TRIP12: variants seen among roughly 807,000 people sequenced by gnomAD.
The protein encoded by TRIP12 is E3 ubiquitin-protein ligase TRIP12.
Under a neutral mutation model 244.2 loss-of-function variants are expected in TRIP12, and 25 were observed. That is an observed-to-expected ratio of 0.10 (90% CI 0.07 to 0.14). The LOEUF (loss-of-function observed/expected upper bound fraction) is 0.14, where lower values mean the gene tolerates loss of function less well. TRIP12 is among the 10% of genes least tolerant of loss of function. The pLI, the probability that TRIP12 is intolerant of heterozygous loss-of-function variation, is 1.00. For missense variants in TRIP12, 1,677 were observed against 2,486.4 expected, an observed-to-expected ratio of 0.67 and a Z score of 6.92; for synonymous variants, 905 against 873.1, an observed-to-expected ratio of 1.04 and a Z score of -0.64.
At position 229,853,587 on chromosome 2, in the gene TRIP12, G is replaced by C. The variant is rs376947233; in HGVS notation, c.1027+5185C>G. ...CACGAGAATCACTTGAATCCAGGAG[G>C]GGGAGGATGCAGTGAGCAGAGATCA... On this transcript the variant is annotated intron_variant, in intron 4 of 41. Coordinates refer to ENST00000675903, the MANE Select transcript of TRIP12 (RefSeq NM_001348323.3). 2.0e-5 allele frequency among the ~76,000 whole-genome samples: 3 copies of C among 152,192 alleles called. No individual in the cohort carries two copies. The South Asian group carries it at 6.2e-4, about 32-fold the overall frequency.
chr2:229,922,728 G>A (rs2076781504), upstream of TRIP12: 3 of 1,000,098 alleles, frequency 3.0e-6, no homozygotes, highest in Admixed American at 2.8e-5. Flanking sequence ...GCCCAGTCCC[G>A]GCTCCGCGCC....
intron 1 of TRIP12, among the ~76,000 whole-genome samples, chr2:229,906,094 C>T (rs1156895138): frequency 6.6e-6 from 1 of 151,922 alleles, no homozygotes; most frequent in Non-Finnish European, 1.5e-5. Flanking sequence ...TACCTGAGGT[C>T]AGGAGTTTGA....
In TRIP12 at chr2:229,764,433, T is replaced by G. The variant is rs549661371; in HGVS notation, c.*3121A>C. ...AATGAAGGCTTGATCATTTTACTAG[T>G]AGAGAAATGAACAATAGCATCCAGA... is the stretch of plus-strand genomic sequence containing the variant. On this transcript the variant is annotated 3_prime_UTR_variant, in exon 42 of 42. Transcript: ENST00000675903. The G allele has an allele frequency of 6.6e-5, 10 of 152,290 alleles. No homozygotes were observed. In the South Asian group the frequency reaches 1.9e-3, roughly 28 times the overall value. The allele number at this position is 152,290 out of a possible 1,614,324, so 9.4% of individuals were successfully genotyped here. A position where few individuals can be genotyped will look rare whatever the true frequency, so the allele number is the denominator to read the frequency against.
intron 1 of TRIP12, among the ~76,000 whole-genome samples, chr2:229,888,554 G>A (rs755413000): frequency 1.3e-5 from 2 of 152,120 alleles, no homozygotes; most frequent in Non-Finnish European, 2.9e-5. Flanking sequence ...AAGACAGATA[G>A]GCAGAGTTCA....
intron 1 of TRIP12, among the ~76,000 whole-genome samples, chr2:229,896,837 C>G (rs181252528): frequency 1.3e-5 from 2 of 152,224 alleles, no homozygotes; most frequent in East Asian, 3.9e-4. Flanking sequence ...CAATAAGACT[C>G]TTGTTTTTAA....
At chr2:229,881,192 A>G (rs2064800466) in intron 1 of TRIP12, among the ~76,000 whole-genome samples, 1 of 152,228 alleles carries the variant, frequency 6.6e-6, no homozygotes, top group South Asian at 2.1e-4. Flanking sequence ...TTTAGCTCAA[A>G]TTTAGCTCAA....
chr2:229,917,655 G>A (rs1366039083), intron 1 of TRIP12, among the ~76,000 whole-genome samples: 1 of 152,068 alleles, frequency 6.6e-6, no homozygotes, highest in Admixed American at 6.6e-5. Flanking sequence ...AGTCAGGGGA[G>A]ATGTGAAGAG....
chr2:229,805,458 T>C (rs943041285), intron 18 of TRIP12, among the ~76,000 whole-genome samples: 17 of 152,162 alleles, frequency 1.1e-4, no homozygotes, highest in African/African-American at 3.4e-4. Context: ...AAAGGTATAA[T>C]AGTAATGACA....
chr2:229,883,738 T>G (rs559239373), intron 1 of TRIP12, among the ~76,000 whole-genome samples: 2 of 152,294 alleles, frequency 1.3e-5, no homozygotes, highest in African/African-American at 4.8e-5. Flanking sequence ...GAAAACAAAT[T>G]CACGACAATT....
chr2:229,897,606 C>G (rs1480061810), intron 1 of TRIP12, among the ~76,000 whole-genome samples: 9 of 152,230 alleles, frequency 5.9e-5, no homozygotes, highest in Non-Finnish European at 1.3e-4. Context: ...GAGATCGTGC[C>G]ACTGCACTCC....
Position 229,787,670 on chromosome 2 carries a change from A to G in TRIP12, c.4839-9T>C, listed in dbSNP as rs1559398855. The G allele has an allele frequency of 1.3e-6, 2 of 1,593,894 alleles. No individual in the cohort carries two copies. The highest frequency in any genetic ancestry group is 1.7e-6 in the Non-Finnish European group (2 of 1,170,534). On this transcript the variant is annotated splice_polypyrimidine_tract_variant and intron_variant, in intron 32 of 41. Coordinates refer to ENST00000675903, the MANE Select transcript of TRIP12 (RefSeq NM_001348323.3). Reference sequence around the variant, plus strand: ...AAGGAAAGAAAAATGGGCTGTAAAAAGATGCAATGTAAGTTTATTATCTGG... The same window carrying G: ...AAGGAAAGAAAAATGGGCTGTAAAAGGATGCAATGTAAGTTTATTATCTGG...
intron 30 of TRIP12, 127 bp from the exon 31 acceptor site, chr2:229,789,889 T>A (rs2041001861): frequency 5.0e-6 from 5 of 995,838 alleles, no homozygotes; most frequent in Non-Finnish European, 4.4e-6. Context: ...ATCTTATTAG[T>A]AGGGTATTGA....
In TRIP12 at chr2:229,792,960, A is replaced by G. The variant is rs752451837; in HGVS notation, c.4141+13T>C. ...TACATATATAACACACGAAACAAAT[A>G]TATGGAAAGTACCTCTAACTACAAG... On this transcript the variant is annotated intron_variant, in intron 27 of 41. Coordinates refer to ENST00000675903, the MANE Select transcript of TRIP12 (RefSeq NM_001348323.3). 1.9e-6 allele frequency: 3 copies of G among 1,607,214 alleles called. No homozygotes were observed. The highest frequency in any genetic ancestry group is 2.2e-5 in the South Asian group (2 of 90,180).
chr2:229,772,966 A>G (rs2034975133), intron 38 of TRIP12, among the ~76,000 whole-genome samples: 1 of 152,156 alleles, frequency 6.6e-6, no homozygotes, highest in Non-Finnish European at 1.5e-5. Context: ...TTTTTCAAAC[A>G]TTGGTAATAA....
chr2:229,871,417 G>C (rs545952161), intron 2 of TRIP12, among the ~76,000 whole-genome samples: 4 of 152,200 alleles, frequency 2.6e-5, no homozygotes, highest in African/African-American at 7.2e-5. Context: ...GGGGTGGATG[G>C]ATCCCTCATG....
chr2:229,853,680 A>T (rs926605730), intron 4 of TRIP12, among the ~76,000 whole-genome samples: 10 of 66,562 alleles, frequency 1.5e-4, no homozygotes, highest in Admixed American at 7.0e-4. Flanking sequence ...AATAAATAAA[A>T]TACATACATA....
chr2:229,833,657 T>G (rs989605284), intron 6 of TRIP12, among the ~76,000 whole-genome samples: 2 of 152,178 alleles, frequency 1.3e-5, no homozygotes, highest in African/African-American at 4.8e-5. Context: ...AAAGGATTCT[T>G]TTGCCATACC....
chr2:229,815,342 A>G (rs2048232383), intron 9 of TRIP12, 34 bp from the exon 10 acceptor site: 1 of 1,259,760 alleles, frequency 7.9e-7, no homozygotes, highest in Non-Finnish European at 1.1e-6. Flanking sequence ...TAGAAGCTAT[A>G]TTCCTTGGGA....
rs2076661892 is a variant in TRIP12 at position 229,921,876 on chromosome 2, T to C, written c.-50+4A>G. 1 of 108,682 alleles carries C rather than the reference T, an allele frequency of 9.2e-6. No homozygotes were observed. The highest frequency in any genetic ancestry group is 1.8e-5 in the Non-Finnish European group (1 of 55,118). The allele number at this position is 108,682 out of a possible 1,614,324, so 6.7% of individuals were successfully genotyped here. On this transcript the variant is annotated splice_donor_region_variant and intron_variant, in intron 1 of 41. Coordinates refer to ENST00000675903, the MANE Select transcript of TRIP12 (RefSeq NM_001348323.3). ...CCCGCCGCCCAGAGCTGCGCCCCAA[T>C]TACCTAGTTAGGCCCCAAAGTCTCC... is the stretch of plus-strand genomic sequence containing the variant.
Sources: allele counts gnomAD v4.1 joint callset (sites outside exome capture counted in the v4.1 genomes callset), GRCh38; gene constraint gnomAD v4.1.1; transcripts MANE v1.5; gene names NCBI Gene and HGNC (gene_info 2026-07-23, HGNC 2026-07-21).